The following RGP1 variants were observed in gnomAD, a reference collection of about 807,000 sequenced individuals.
RGP1 encodes the protein RGP1 partner of RAB6A GEF complex, also known as RAB6A-GEF complex partner protein 2.
A neutral mutation model predicts 44.5 loss-of-function variants in RGP1; 28 were observed. The ratio of observed to expected loss-of-function variants is 0.63; its 90% CI spans 0.47 to 0.86. RGP1 has a LOEUF of 0.86. Among genes scored for constraint, RGP1 ranks in the 40% least tolerant of loss-of-function variants. The probability of loss-of-function intolerance (pLI) is 0.00; values close to 1 mark genes in which losing one functional copy is unlikely to be tolerated. For synonymous variants in RGP1, 212 were observed against 196.7 expected (o/e 1.08, Z -0.65); for missense variants, 417 against 490.7 (o/e 0.85, Z 1.42).
Position 35,753,280 on chromosome 9 carries a change from C to T in RGP1, c.*406C>T, listed in dbSNP as rs898174333. The T allele has an allele frequency of 5.6e-6, 9 of 1,613,082 alleles. No individual in the cohort carries two copies. The highest frequency in any genetic ancestry group is 7.6e-6 in the Non-Finnish European group (9 of 1,179,862). Reference sequence around the variant, plus strand: ...CCGGGAAGTCGATGGGATGCTGGGACCTGGGGAACCAAGGATAGGGGAAGG... The same window carrying T: ...CCGGGAAGTCGATGGGATGCTGGGATCTGGGGAACCAAGGATAGGGGAAGG... On this transcript the variant is annotated 3_prime_UTR_variant, in exon 9 of 9. Transcript: ENST00000378078. The surrounding 1 kb of genome is among the most constrained non-coding windows in gnomAD (Gnocchi z 4.2).
intron 8 of RGP1, 101 bp from the exon 9 acceptor site, chr9:35,752,550 G>A: frequency 1.9e-6 from 2 of 1,078,492 alleles, no homozygotes; most frequent in Admixed American, 4.2e-5. Flanking sequence ...CTGTCTTCCT[G>A]AACACAGATT....
chr9:35,788,529 A>G, the RGP1 span, among the ~76,000 whole-genome samples: 1 of 151,602 alleles, frequency 6.6e-6, no homozygotes, highest in Non-Finnish European at 1.5e-5. Flanking sequence ...TTGCGCCACT[A>G]CATTCCAGCC....
the RGP1 span, among the ~76,000 whole-genome samples, chr9:35,778,089 C>T: frequency 2.7e-4 from 41 of 152,226 alleles, no homozygotes; most frequent in African/African-American, 9.4e-4. Flanking sequence ...CACCTGAGGT[C>T]GGGAGTTTGA....
the RGP1 span, among the ~76,000 whole-genome samples, chr9:35,781,799 A>T: frequency 6.6e-6 from 1 of 152,120 alleles, no homozygotes; most frequent in African/African-American, 2.4e-5. Context: ...TTAATCCAGT[A>T]TCTTTCTTTA....
chr9:35,779,398 T>C, the RGP1 span, among the ~76,000 whole-genome samples: 1 of 152,216 alleles, frequency 6.6e-6, no homozygotes, highest in South Asian at 2.1e-4. Flanking sequence ...GGTTAAACTA[T>C]CTGTTTAGAC....
In RGP1 at chr9:35,754,383, G is replaced by A. The variant is rs768578687; in HGVS notation, c.*1509G>A. The A allele has an allele frequency of 2.6e-6, 1 of 377,378 alleles. No homozygotes were observed. The highest frequency in any genetic ancestry group is 4.8e-6 in the Non-Finnish European group (1 of 210,500). The allele number at this position is 377,378 out of a possible 1,614,324, so 23.4% of individuals were successfully genotyped here. On this transcript the variant is annotated 3_prime_UTR_variant, in exon 9 of 9. Transcript: ENST00000378078. ...TCCTGAGGTGAGGGCATGAAAACAAGAGGTCTAGCTTTAACAAGCTGTGAG... is the reference window on the plus strand; with the variant it reads ...TCCTGAGGTGAGGGCATGAAAACAAAAGGTCTAGCTTTAACAAGCTGTGAG...
At chr9:35,786,566 T>A in the RGP1 span, 1 of 152,186 alleles carries the variant, frequency 6.6e-6, no homozygotes, top group Non-Finnish European at 1.5e-5. Context: ...AGGTGAAATA[T>A]GGTTCACGTG....
chr9:35,774,998 A>G, the RGP1 span, among the ~76,000 whole-genome samples: 6 of 152,224 alleles, frequency 3.9e-5, no homozygotes, highest in East Asian at 1.2e-3. Context: ...TGTTTTCTCC[A>G]AATTCATTTT....
At chr9:35,782,182 A>G in the RGP1 span, among the ~76,000 whole-genome samples, 4 of 151,880 alleles carry the variant, frequency 2.6e-5, no homozygotes, top group Non-Finnish European at 5.9e-5. Context: ...CAGGTAGGAA[A>G]TTTTATTGAT....
downstream of RGP1, among the ~76,000 whole-genome samples, chr9:35,760,271 T>G (rs559596728): frequency 8.2e-4 from 125 of 152,034 alleles, no homozygotes; most frequent in African/African-American, 2.8e-3. Flanking sequence ...GGGGGGCCAT[T>G]GTTGGGAGAG....
At position 35,753,040 on chromosome 9, in the gene RGP1, G is replaced by A. The variant is rs1827295034; in HGVS notation, c.*166G>A. On this transcript the variant is annotated 3_prime_UTR_variant, in exon 9 of 9. Transcript: ENST00000378078. The surrounding 1 kb of genome is among the most constrained non-coding windows in gnomAD (Gnocchi z 4.2). ...GTTCAGAATACATTGGCAGCTGCTAGTGGTTTCCCTGGAAGTGGCAGCAGC... is the reference window on the plus strand; with the variant it reads ...GTTCAGAATACATTGGCAGCTGCTAATGGTTTCCCTGGAAGTGGCAGCAGC... 5.0e-6 allele frequency: 8 copies of A among 1,586,766 alleles called. No homozygotes were observed. The highest frequency in any genetic ancestry group is 4.0e-5 in the African/African-American group (3 of 74,284).
At chr9:35,788,531 A>T in the RGP1 span, among the ~76,000 whole-genome samples, 1 of 151,696 alleles carries the variant, frequency 6.6e-6, no homozygotes, top group Non-Finnish European at 1.5e-5. Flanking sequence ...GCGCCACTAC[A>T]TTCCAGCCTG....
downstream of RGP1, among the ~76,000 whole-genome samples, chr9:35,759,854 CATCCA>C (rs796133646): frequency 7.2e-5 from 10 of 138,412 alleles, no homozygotes; most frequent in African/African-American, 2.7e-4. Context: ...GTCCTTTTTT[CATCCA>C]GATCTACACT....
At chr9:35,789,006 T>C in the RGP1 span, among the ~76,000 whole-genome samples, 3 of 152,222 alleles carry the variant, frequency 2.0e-5, no homozygotes, top group African/African-American at 7.2e-5. Flanking sequence ...TTTTAGTTTT[T>C]ACTTATGTTT....
At chr9:35,786,780 G>C in the RGP1 span, 3 of 152,140 alleles carry the variant, frequency 2.0e-5, no homozygotes, top group African/African-American at 7.2e-5. Context: ...ATTCAGGTAA[G>C]TTGGAAACTG....
chr9:35,781,983 G>GTTTT, the RGP1 span, among the ~76,000 whole-genome samples: 5 of 90,652 alleles, frequency 5.5e-5, no homozygotes, highest in African/African-American at 1.1e-4. Context: ...TATTTCTCTC[G>GTTTT]TTTTTTTTTT....
At chr9:35,751,891 G>A in intron 7 of RGP1, 65 bp from the exon 8 acceptor site, 1 of 1,559,498 alleles carries the variant, frequency 6.4e-7, no homozygotes, top group Non-Finnish European at 8.7e-7. Flanking sequence ...ACAGCTTGAG[G>A]TTGGGCTGTC....
chr9:35,749,382 G>A lies in RGP1; in HGVS notation c.-46G>A. 1.8e-6 allele frequency: 1 copy of A among 546,964 alleles called. No homozygotes were observed. The highest frequency in any genetic ancestry group is 3.7e-6 in the Non-Finnish European group (1 of 268,258). The allele number at this position is 546,964 out of a possible 1,614,324, so 33.9% of individuals were successfully genotyped here. On this transcript the variant is annotated 5_prime_UTR_variant, in exon 1 of 9. Coordinates refer to ENST00000378078, the MANE Select transcript of RGP1 (RefSeq NM_001080496.3). This position sits in a 1 kb window ranked among gnomAD's most constrained non-coding sequence, Gnocchi z 4.4. ...GGGCGGGCAGATGAGGCCTAGGGGT[G>A]CCGATCCCTAGTGTCGACTATGCGA...
At chr9:35,768,176 C>T in the RGP1 span, among the ~76,000 whole-genome samples, 3 of 151,744 alleles carry the variant, frequency 2.0e-5, no homozygotes, top group African/African-American at 7.3e-5. Context: ...ATCCTCCCAC[C>T]TCACCCTCCC....
Sources: allele counts gnomAD v4.1 joint callset (sites outside exome capture counted in the v4.1 genomes callset), GRCh38; gene constraint gnomAD v4.1.1; non-coding constraint Gnocchi (gnomAD v3.1); transcripts MANE v1.5; gene names NCBI Gene and HGNC (gene_info 2026-07-23, HGNC 2026-07-21).